The following SLC14A2 variants were observed in gnomAD, a reference collection of about 807,000 sequenced individuals.
SLC14A2 encodes the protein solute carrier family 14 member 2.
A neutral mutation model predicts 104.6 loss-of-function variants in SLC14A2; 91 were observed. That is an observed-to-expected ratio of 0.87 (90% confidence interval 0.73 to 1.04). The LOEUF is 1.04. SLC14A2 is among the 50% of genes least tolerant of loss of function. SLC14A2 has a pLI of 0.00. For missense variants in SLC14A2, 1,189 were observed against 1,156.0 expected (o/e 1.03, Z -0.41); for synonymous variants, 476 against 466.4 (o/e 1.02, Z -0.27).
intron 1 of SLC14A2, among the ~76,000 whole-genome samples, chr18:45,258,883 A>T (rs1288508955): frequency 6.6e-6 from 1 of 152,210 alleles, no homozygotes; most frequent in African/African-American, 2.4e-5. Flanking sequence ...ACTGGAACTC[A>T]ATGTAGTTTC....
At chr18:45,413,890 A>G (rs1003908033) in intron 1 of SLC14A2, among the ~76,000 whole-genome samples, 1 of 152,218 alleles carries the variant, frequency 6.6e-6, no homozygotes, top group Non-Finnish European at 1.5e-5. Context: ...GTGAAGATCA[A>G]ATGAGATCAT....
At chr18:45,623,665 C>T (rs1358195977) in intron 1 of SLC14A2, among the ~76,000 whole-genome samples, 1 of 152,102 alleles carries the variant, frequency 6.6e-6, no homozygotes, top group African/African-American at 2.4e-5. Flanking sequence ...ATCCTGCAAT[C>T]CTTGAGCGGT....
intron 1 of SLC14A2, among the ~76,000 whole-genome samples, chr18:45,458,562 C>A (rs1403807159): frequency 6.6e-6 from 1 of 152,164 alleles, no homozygotes; most frequent in East Asian, 1.9e-4. Flanking sequence ...AAATGATTAG[C>A]TATTGATGCA....
chr18:45,389,471 A>G (rs2543014), intron 1 of SLC14A2, among the ~76,000 whole-genome samples: 96,549 of 152,010 alleles, frequency 0.64, 31,021 homozygotes, highest in East Asian at 0.82. Flanking sequence ...CATAATCAAG[A>G]GCTGACCATT....
At chr18:45,611,183 T>C (rs1458295837), upstream of SLC14A2, among the ~76,000 whole-genome samples, 3 of 152,128 alleles carry the variant, frequency 2.0e-5, no homozygotes, top group Non-Finnish European at 2.9e-5. Flanking sequence ...AAGTTATCCT[T>C]TTCCCCACCA....
Position 45,682,573 on chromosome 18 carries a change from G to A in SLC14A2, c.*54G>A. ...AATTCAGGCTTCAGCACGCCGTCCA[G>A]ATCCCCAGGATAAGAGACCACTTAG... On this transcript the variant is annotated 3_prime_UTR_variant, in exon 20 of 20. Coordinates refer to ENST00000255226, the MANE Select transcript of SLC14A2 (RefSeq NM_007163.4). 6.9e-7 allele frequency: 1 copy of A among 1,441,578 alleles called. No individual in the cohort carries two copies. Among genetic ancestry groups the A allele is most frequent in the Non-Finnish European group, 9.8e-7 (1 of 1,023,212 alleles). 89.3% of individuals were successfully genotyped at this position (1,441,578 alleles called of 1,614,324 possible). A position where few individuals can be genotyped will look rare whatever the true frequency, so the allele number is the denominator to read the frequency against.
chr18:45,589,863 A>G (rs1188719969), intron 2 of SLC14A2, among the ~76,000 whole-genome samples: 4 of 152,126 alleles, frequency 2.6e-5, no homozygotes, highest in Non-Finnish European at 5.9e-5. Flanking sequence ...GCGCTATTGA[A>G]GAAAGAATGC....
intron 2 of SLC14A2, chr18:45,485,104 T>C (rs1300325531): frequency 6.6e-6 from 1 of 152,212 alleles, no homozygotes; most frequent in Admixed American, 6.5e-5. Context: ...CAACCTTGTA[T>C]AGTGAAAAGG....
rs1324693263 is a variant in SLC14A2 at position 45,675,718 on chromosome 18, T to A, written c.2512+1901T>A. 3.5e-3 allele frequency among the ~76,000 whole-genome samples: 430 copies of A among 123,798 alleles called. 5 individuals are homozygous for A. The highest frequency in any genetic ancestry group is 0.016 in the African/African-American group (415 of 26,756). 81.2% of individuals were successfully genotyped at this position (123,798 alleles called of 152,430 possible). On this transcript the variant is annotated intron_variant, in intron 18 of 19. Transcript: ENST00000255226. ...ATATATATATATATATATTTTTTTT[T>A]TTTTTTTTTTTGGAGAGACAGGGCT...
chr18:45,357,476 G>T (rs755859643), intron 1 of SLC14A2, among the ~76,000 whole-genome samples: 1 of 152,092 alleles, frequency 6.6e-6, no homozygotes, highest in African/African-American at 2.4e-5. Flanking sequence ...TTAGCTGGGC[G>T]TGGTGGCACA....
chr18:45,542,047 T>TG (rs1568268307), intron 2 of SLC14A2, among the ~76,000 whole-genome samples: 47 of 89,932 alleles, frequency 5.2e-4, no homozygotes, highest in African/African-American at 2.0e-3. Context: ...TTTTTTTTTT[T>TG]TTTTTTTTTT....
intron 2 of SLC14A2, among the ~76,000 whole-genome samples, chr18:45,504,558 C>T (rs2099669810): frequency 6.6e-6 from 1 of 152,184 alleles, no homozygotes; most frequent in Non-Finnish European, 1.5e-5. Flanking sequence ...CAAAACTAAT[C>T]ATTTGTTTGC....
intron 1 of SLC14A2, among the ~76,000 whole-genome samples, chr18:45,453,864 T>C (rs1049701170): frequency 1.4e-5 from 2 of 138,434 alleles, no homozygotes; most frequent in East Asian, 4.1e-4. Flanking sequence ...TTTTTTTTTT[T>C]TTTTTTTTTT....
chr18:45,307,872 G>A (rs2085039622), intron 1 of SLC14A2, among the ~76,000 whole-genome samples: 1 of 152,168 alleles, frequency 6.6e-6, no homozygotes, highest in Admixed American at 6.5e-5. Context: ...AAGAAAAAGG[G>A]TTGAACTGGC....
intron 1 of SLC14A2, among the ~76,000 whole-genome samples, chr18:45,297,479 G>T (rs1216377563): frequency 6.6e-6 from 1 of 152,160 alleles, no homozygotes; most frequent in Non-Finnish European, 1.5e-5. Flanking sequence ...AAGATGAGTG[G>T]GTAGCATGTC....
the SLC14A2 span, among the ~76,000 whole-genome samples, chr18:45,177,174 C>T: frequency 6.6e-6 from 1 of 152,126 alleles, no homozygotes; most frequent in African/African-American, 2.4e-5. Flanking sequence ...CTCCATTCTG[C>T]CCACTTCCTG....
chr18:45,603,301 T>A (rs2044818275), intron 2 of SLC14A2, among the ~76,000 whole-genome samples: 1 of 152,192 alleles, frequency 6.6e-6, no homozygotes, highest in Non-Finnish European at 1.5e-5. Flanking sequence ...TTGCTCTTCC[T>A]GTCTCTTGTT....
At chr18:45,511,741 C>T (rs1331845114) in intron 2 of SLC14A2, among the ~76,000 whole-genome samples, 1 of 152,204 alleles carries the variant, frequency 6.6e-6, no homozygotes, top group East Asian at 1.9e-4. Flanking sequence ...GTCCCAATTT[C>T]TACCCATAGG....
At chr18:45,665,563 G>A (rs2046004923) in intron 11 of SLC14A2, among the ~76,000 whole-genome samples, 4 of 151,916 alleles carry the variant, frequency 2.6e-5, no homozygotes, top group African/African-American at 9.7e-5. Context: ...AAACAGAACA[G>A]CCTGAGGTCA....
Sources: gnomAD v4.1 joint callset for allele counts (sites outside exome capture counted in the v4.1 genomes callset) on GRCh38, gnomAD v4.1.1 for gene constraint, MANE v1.5 for transcripts, NCBI Gene and HGNC (gene_info 2026-07-23, HGNC 2026-07-21) for gene names.